MAPRE1: variants seen among roughly 807,000 people sequenced by gnomAD.
MAPRE1 encodes microtubule-associated protein RP/EB family member 1.
A neutral mutation model predicts 32.1 loss-of-function variants in MAPRE1; 5 were observed. The ratio of observed to expected loss-of-function variants is 0.16; its 90% CI spans 0.08 to 0.33. The LOEUF is 0.33. Among genes scored for constraint, MAPRE1 ranks in the 10% least tolerant of loss-of-function variants. The probability of loss-of-function intolerance (pLI) is 1.00; values close to 1 mark genes in which losing one functional copy is unlikely to be tolerated. For missense variants in MAPRE1, 209 were observed against 327.2 expected (o/e 0.64, Z 2.79); for synonymous variants, 122 against 118.9 (o/e 1.03, Z -0.17).
At chr20:32,830,946 G>T (rs1448411451) in intron 2 of MAPRE1, among the ~76,000 whole-genome samples, 4 of 152,010 alleles carry the variant, frequency 2.6e-5, no homozygotes, top group African/African-American at 9.7e-5. Context: ...GGATGGTCTC[G>T]ATCTCCTGAC....
intron 5 of MAPRE1, among the ~76,000 whole-genome samples, chr20:32,841,656 C>T: frequency 6.8e-6 from 1 of 147,142 alleles, no homozygotes; most frequent in Non-Finnish European, 1.5e-5. Context: ...GTGATGTTCC[C>T]CTTCCTGTGT....
intron 2 of MAPRE1, among the ~76,000 whole-genome samples, chr20:32,826,519 C>CTTT (rs71338460): frequency 0.052 from 2,438 of 46,542 alleles, 314 homozygotes; most frequent in East Asian, 0.11. Context: ...CACGCCCGGC[C>CTTT]TTTTTTTTTT....
At position 32,831,209 on chromosome 20, in the gene MAPRE1, C is replaced by T. The variant is rs77637355; in HGVS notation, c.122-2508C>T. Among the ~76,000 whole-genome samples, 876 of 151,656 alleles carry T rather than the reference C, an allele frequency of 5.8e-3. 4 individuals carry two copies. Among genetic ancestry groups the T allele is most frequent in the African/African-American group, 0.02 (821 of 41,306 alleles). Reference sequence around the variant, plus strand: ...CCTGTAATCCAGCACTTTGGGAGGCCGAAGTGAGAGGATCACCTGAGCCCA... The same window carrying T: ...CCTGTAATCCAGCACTTTGGGAGGCTGAAGTGAGAGGATCACCTGAGCCCA... On this transcript the variant is annotated intron_variant, in intron 2 of 6. Transcript: ENST00000375571.
chr20:32,841,540 T>G (rs1983362603), intron 5 of MAPRE1, among the ~76,000 whole-genome samples: 1 of 151,812 alleles, frequency 6.6e-6, no homozygotes, highest in Non-Finnish European at 1.5e-5. Flanking sequence ...TATGTATACA[T>G]GTGCCATGCT....
At chr20:32,825,206 TTGTAACA>T (rs923126219) in intron 1 of MAPRE1, among the ~76,000 whole-genome samples, 2 of 133,022 alleles carry the variant, frequency 1.5e-5, no homozygotes, top group African/African-American at 6.4e-5. Flanking sequence ...CTGAAGAAAA[TTGTAACA>T]TTTTGATATC....
intron 5 of MAPRE1, among the ~76,000 whole-genome samples, chr20:32,844,307 T>C (rs1312503331): frequency 2.0e-5 from 3 of 152,150 alleles, no homozygotes; most frequent in Non-Finnish European, 4.4e-5. Flanking sequence ...TTTTGGCCTT[T>C]ATAGGTGGGA....
chr20:32,847,525 A>G (rs968737101), intron 6 of MAPRE1, among the ~76,000 whole-genome samples: 2 of 152,240 alleles, frequency 1.3e-5, no homozygotes, highest in African/African-American at 2.4e-5. Flanking sequence ...TCCTTGAGAC[A>G]TATCTTGTGA....
At chr20:32,830,395 A>G (rs1485066398) in intron 2 of MAPRE1, among the ~76,000 whole-genome samples, 1 of 152,148 alleles carries the variant, frequency 6.6e-6, no homozygotes, top group Non-Finnish European at 1.5e-5. Context: ...CTTTTGCCCT[A>G]CCTGTCATTA....
intron 5 of MAPRE1, among the ~76,000 whole-genome samples, chr20:32,842,287 G>A (rs1198342093): frequency 3.3e-5 from 5 of 152,054 alleles, no homozygotes; most frequent in African/African-American, 4.8e-5. Context: ...AGGTTTCACC[G>A]TGTTAGCCAG....
intron 5 of MAPRE1, among the ~76,000 whole-genome samples, chr20:32,841,711 C>T (rs563955154): frequency 1.5e-3 from 231 of 151,188 alleles, no homozygotes; most frequent in African/African-American, 5.5e-3. Context: ...GTGATGGAGC[C>T]CAGGCTTGGG....
intron 5 of MAPRE1, among the ~76,000 whole-genome samples, chr20:32,843,663 G>A (rs539074495): frequency 6.6e-6 from 1 of 152,330 alleles, no homozygotes; most frequent in Non-Finnish European, 1.5e-5. Flanking sequence ...GAAATCAGGT[G>A]TGTATGTGAT....
Position 32,834,089 on chromosome 20 carries a change from G to T in MAPRE1, c.267+227G>T, listed in dbSNP as rs557678876. On this transcript the variant is annotated intron_variant, in intron 3 of 6. Transcript: ENST00000375571. ...CGTCTGTGAAGTTAGTAACTGTTTA[G>T]AGGAGTCAGCCTGTAAATTTGTACA... is the stretch of plus-strand genomic sequence containing the variant. Among the ~76,000 whole-genome samples, 28 of 152,246 alleles carry T rather than the reference G, an allele frequency of 1.8e-4. No individual in the cohort carries two copies. The East Asian group carries it at 4.2e-3, about 23-fold the overall frequency.
Position 32,833,742 on chromosome 20 carries a change from C to T in MAPRE1, c.147C>T (p.Asp49=). 1.9e-6 allele frequency: 3 copies of T among 1,613,606 alleles called. No individual in the cohort carries two copies. The highest frequency in any genetic ancestry group is 2.5e-6 in the Non-Finnish European group (3 of 1,179,842). The part of the protein sequence containing the change: ...CSGAAYCQFM[D]MLFPGSIALK... The stretch of plus-strand genomic sequence containing the variant: ...GGGCTGCGTATTGTCAGTTTATGGA[C>T]ATGCTGTTCCCTGGCTCCATTGCCT... The change falls in exon 3 of 7, where the codon GAC becomes GAT. Residue 49 remains aspartate, a synonymous_variant. Coordinates refer to ENST00000375571, the MANE Select transcript of MAPRE1 (RefSeq NM_012325.3).
At chr20:32,820,761 C>G (rs1342896564) in intron 1 of MAPRE1, among the ~76,000 whole-genome samples, 5 of 152,150 alleles carry the variant, frequency 3.3e-5, no homozygotes, top group African/African-American at 1.2e-4. Flanking sequence ...CTAGTTCAGT[C>G]CCTACTTCAC....
At chr20:32,825,709 T>C (rs936798349) in intron 1 of MAPRE1, among the ~76,000 whole-genome samples, 1 of 151,964 alleles carries the variant, frequency 6.6e-6, no homozygotes, top group African/African-American at 2.4e-5. Context: ...GCAGGAGAAT[T>C]ACTTGAACTT....
intron 5 of MAPRE1, among the ~76,000 whole-genome samples, chr20:32,846,053 A>G (rs866439859): frequency 3.9e-5 from 6 of 152,182 alleles, no homozygotes; most frequent in Admixed American, 1.3e-4. Context: ...ACACAGGACT[A>G]TGAGTGTTAT....
At chr20:32,821,141 G>C (rs1348802904) in intron 1 of MAPRE1, among the ~76,000 whole-genome samples, 2 of 151,476 alleles carry the variant, frequency 1.3e-5, no homozygotes, top group South Asian at 4.2e-4. Context: ...TCAGCCTCCC[G>C]AGTAGTCGGG....
chr20:32,831,015 C>T (rs901602499), intron 2 of MAPRE1, among the ~76,000 whole-genome samples: 54 of 152,280 alleles, frequency 3.5e-4, no homozygotes, highest in Admixed American at 2.9e-3. Flanking sequence ...TGAGCCACCG[C>T]GCCCAGCCTC....
chr20:32,833,792 A>G lies in MAPRE1; in HGVS notation c.197A>G (p.Lys66Arg). Reference protein sequence around the residue: ...IALKKVKFQAKLEHEYIQNFK... With the variant: ...IALKKVKFQARLEHEYIQNFK... ...TTGAAGAAAGTGAAATTCCAAGCTA[A>G]GCTAGAACACGAGTACATCCAGAAC... The change falls in exon 3 of 7, where the codon AAG (lysine) becomes AGG (arginine). Residue 66 changes from lysine (K) to arginine (R), a missense_variant. This residue lies in a region of MAPRE1 where 67 missense variants were observed against 140.0 expected (regional missense o/e 0.48). Transcript: ENST00000375571. 6.2e-7 allele frequency: 1 copy of G among 1,614,152 alleles called. No homozygotes were observed. Among genetic ancestry groups the G allele is most frequent in the Non-Finnish European group, 8.5e-7 (1 of 1,180,008 alleles).
Sources: gnomAD v4.1 joint callset for allele counts (sites outside exome capture counted in the v4.1 genomes callset) on GRCh38, gnomAD v4.1.1 for gene constraint, gnomAD v4.1.1 regional missense constraint, MANE v1.5 for transcripts, NCBI Gene and HGNC (gene_info 2026-07-23, HGNC 2026-07-21) for gene names.